SYT14: variants seen among roughly 807,000 people sequenced by gnomAD.
SYT14 encodes synaptotagmin 14, also known as synaptotagmin-14.
A neutral mutation model predicts 74.2 loss-of-function variants in SYT14; 32 were observed. The ratio of observed to expected loss-of-function variants is 0.43; its 90% CI spans 0.33 to 0.58. The LOEUF is 0.58. Among genes scored for constraint, SYT14 ranks in the 20% least tolerant of loss-of-function variants. SYT14 has a pLI of 0.05. For synonymous variants in SYT14, 298 were observed against 337.7 expected (o/e 0.88, Z 1.29); for missense variants, 791 against 981.8 (o/e 0.81, Z 2.60).
intron 7 of SYT14, among the ~76,000 whole-genome samples, chr1:210,106,861 A>C (rs1572312429): frequency 6.6e-6 from 1 of 152,308 alleles, no homozygotes; most frequent in Middle Eastern, 3.4e-3. Context: ...GTCTTAACTC[A>C]TTCTAGCATT....
intron 7 of SYT14, among the ~76,000 whole-genome samples, chr1:210,102,766 G>A (rs960024961): frequency 3.3e-5 from 5 of 152,034 alleles, no homozygotes; most frequent in African/African-American, 9.7e-5. Flanking sequence ...ATTGTAGCCT[G>A]AAACTCCTGG....
intron 2 of SYT14, among the ~76,000 whole-genome samples, chr1:209,953,899 A>T (rs1255354054): frequency 6.6e-6 from 1 of 152,196 alleles, no homozygotes; most frequent in African/African-American, 2.4e-5. Flanking sequence ...TGCTATAACT[A>T]TTGTTGATTT....
intron 7 of SYT14, among the ~76,000 whole-genome samples, chr1:210,101,692 A>C (rs1999642): frequency 2.6e-5 from 4 of 150,988 alleles, no homozygotes; most frequent in African/African-American, 9.8e-5. Flanking sequence ...AATATTTCGG[A>C]GGGGGGAAGA....
chr1:210,099,878 GTTAA>G, intron 6 of SYT14, 130 bp from the exon 6 acceptor site: 1 of 891,372 alleles, frequency 1.1e-6, no homozygotes, highest in Non-Finnish European at 1.7e-6. Flanking sequence ...GTAGTTGACT[GTTAA>G]TTATTATTGT....
exon 10 of SYT14, chr1:210,169,221 GTTTTTTTTTTTT>G (rs35974726): frequency 1.6e-4 from 8 of 50,242 alleles, no homozygotes; most frequent in South Asian, 9.6e-4. Flanking sequence ...TGTTTTTGGT[GTTTTTTTTTTTT>G]TTTTTTTTTT....
At chr1:210,117,533 T>C (rs957928856) in intron 7 of SYT14, among the ~76,000 whole-genome samples, 1 of 152,106 alleles carries the variant, frequency 6.6e-6, no homozygotes, top group Non-Finnish European at 1.5e-5. Context: ...ACATGTGTTC[T>C]AGTTCCCTAG....
rs1553262320 is a variant in SYT14 at position 209,990,527 on chromosome 1, A to ATATATATATATACG, written c.-485-23096_-485-23095insTACGTATATATATA. Among the ~76,000 whole-genome samples, 63 of 12,772 alleles carry ATATATATATATACG rather than the reference A, an allele frequency of 4.9e-3. 2 individuals are homozygous for ATATATATATATACG. Among genetic ancestry groups the ATATATATATATACG allele is most frequent in the African/African-American group, 9.9e-3 (32 of 3,236 alleles). The allele number at this position is 12,772 out of a possible 152,430, so 8.4% of individuals were successfully genotyped here. A position where few individuals can be genotyped will look rare whatever the true frequency, so the allele number is the denominator to read the frequency against. ...TTAAGGATGAAGGAATATTTCACATATATATATATACGTATATATATGTAT... is the reference window on the plus strand; with the variant it reads ...TTAAGGATGAAGGAATATTTCACATATATATATATATACGTATATATATACGTATATATATGTAT... On this transcript the variant is annotated intron_variant, in intron 2 of 9. Coordinates refer to ENST00000637265, the Ensembl canonical transcript of SYT14.
At chr1:210,034,110 T>A (rs867921088) in intron 5 of SYT14, among the ~76,000 whole-genome samples, 19 of 151,914 alleles carry the variant, frequency 1.3e-4, no homozygotes, top group Middle Eastern at 3.4e-3. Context: ...ATTAACTAAT[T>A]TAATCTTCAT....
chr1:210,134,454 T>C (rs1224723535), intron 7 of SYT14, among the ~76,000 whole-genome samples: 1 of 152,142 alleles, frequency 6.6e-6, no homozygotes, highest in Admixed American at 6.5e-5. Context: ...TATTTGAACA[T>C]CTGTATCTAA....
At position 210,081,428 on chromosome 1, in the gene SYT14, T is replaced by C. The variant is rs1472100104; in HGVS notation, c.1313-12894T>C. On this transcript the variant is annotated intron_variant, in intron 5 of 9. Coordinates refer to ENST00000637265, the Ensembl canonical transcript of SYT14. ...TTGCAATAAAGCAAGTAACACGATA[T>C]TTTTGGTTTCCTAGTACATATAAGT... Among the ~76,000 whole-genome samples the C allele has an allele frequency of 4.6e-5, 7 of 152,350 alleles. No individual in the cohort carries two copies. In the South Asian group the frequency reaches 1.0e-3, roughly 23 times the overall value.
chr1:209,983,055 ATTG>A (rs1354003490), intron 2 of SYT14, among the ~76,000 whole-genome samples: 1 of 147,118 alleles, frequency 6.8e-6, no homozygotes, highest in Non-Finnish European at 1.5e-5. Context: ...TTTTTTTTTT[ATTG>A]TTGAGTTTTA....
chr1:209,981,450 C>CTTTTTTTTTTTTTTTTTTTTTCTTTTTT (rs1183885685), intron 2 of SYT14, among the ~76,000 whole-genome samples: 4 of 99,050 alleles, frequency 4.0e-5, no homozygotes, highest in Admixed American at 1.3e-4. Flanking sequence ...TTTTTCTTTT[C>CTTTTTTTTTTTTTTTTTTTTTCTTTTTT]TTTTTTTTTT....
rs532926764 is a variant in SYT14 at position 210,122,603 on chromosome 1, G to A, written c.2034+22142G>A. On this transcript the variant is annotated intron_variant, in intron 7 of 9. Coordinates refer to ENST00000637265, the Ensembl canonical transcript of SYT14. ...TTAGGTTCCACATATGGTCTCTGTC[G>A]CATTTTTTTTTTTTACAATTCTTTT... is the stretch of plus-strand genomic sequence containing the variant. Among the ~76,000 whole-genome samples, 8 of 149,474 alleles carry A rather than the reference G, an allele frequency of 5.4e-5. No homozygotes were observed. The South Asian group carries it at 6.4e-4, about 12-fold the overall frequency.
chr1:210,082,482 T>C lies in SYT14; in HGVS notation c.1313-11840T>C, dbSNP rs531451032. 3.9e-5 allele frequency among the ~76,000 whole-genome samples: 6 copies of C among 152,336 alleles called. No homozygotes were observed. In the South Asian group the frequency reaches 6.2e-4, roughly 16 times the overall value. On this transcript the variant is annotated intron_variant, in intron 5 of 9. Coordinates refer to ENST00000637265, the Ensembl canonical transcript of SYT14. ...GTTGGTGTTGGTATATCACTAGATA[T>C]AATTTTTCTACTCAGTTAGCTAGTC...
At chr1:210,125,520 T>G (rs1238024144) in intron 7 of SYT14, among the ~76,000 whole-genome samples, 3 of 152,222 alleles carry the variant, frequency 2.0e-5, no homozygotes, top group Non-Finnish European at 4.4e-5. Context: ...AGTATGTTTT[T>G]TAAGTCATAT....
intron 8 of SYT14, 24 bp downstream of exon 7, chr1:210,155,934 A>G (rs1173710500): frequency 6.2e-7 from 1 of 1,611,166 alleles, no homozygotes; most frequent in South Asian, 1.1e-5. Flanking sequence ...AATTTTTTTA[A>G]TTCTAATGTT....
At chr1:210,104,633 T>C (rs1224477389) in intron 7 of SYT14, among the ~76,000 whole-genome samples, 1 of 152,216 alleles carries the variant, frequency 6.6e-6, no homozygotes. Flanking sequence ...CTCTAACAGT[T>C]GCATAAAATA....
intron 1 of SYT14, among the ~76,000 whole-genome samples, chr1:209,952,264 T>C (rs1347250738): frequency 6.6e-6 from 1 of 152,190 alleles, no homozygotes; most frequent in African/African-American, 2.4e-5. Flanking sequence ...TTTATAATAG[T>C]GGGTTGTTGG....
chr1:210,024,799 G>A lies in SYT14; in HGVS notation c.1312+3545G>A, dbSNP rs79439171. Among the ~76,000 whole-genome samples, 692 of 152,220 alleles carry A rather than the reference G, an allele frequency of 4.5e-3. 20 individuals are homozygous for A. The East Asian group carries it at 0.053, about 12-fold the overall frequency. ...CATCATGTAAAGACACAAAGAAACA[G>A]TAAGAGATAAAGAGGAGAATCAGGA... On this transcript the variant is annotated intron_variant, in intron 5 of 9. Transcript: ENST00000637265.
Sources: gnomAD v4.1 joint callset for allele counts (sites outside exome capture counted in the v4.1 genomes callset) on GRCh38, gnomAD v4.1.1 for gene constraint, MANE v1.5 for transcripts, NCBI Gene and HGNC (gene_info 2026-07-23, HGNC 2026-07-21) for gene names.